Variants in DDX31 observed in about 807,000 individuals in gnomAD.
DDX31 encodes ATP-dependent DNA helicase DDX31.
A neutral mutation model predicts 91.3 loss-of-function variants in DDX31; 70 were observed. The observed-to-expected ratio is 0.77, with a 90% CI of 0.63 to 0.94. The LOEUF is 0.94. Among genes scored for constraint, DDX31 ranks in the 40% least tolerant of loss-of-function variants. The pLI is 0.00. For synonymous variants in DDX31, 362 were observed against 350.6 expected, an observed-to-expected ratio of 1.03 and a Z score of -0.36; for missense variants, 902 against 925.0, an observed-to-expected ratio of 0.98 and a Z score of 0.32.
intron 12 of DDX31, among the ~76,000 whole-genome samples, chr9:132,646,530 C>T (rs306538): frequency 0.77 from 117,281 of 152,064 alleles, 45,515 homozygotes; most frequent in African/African-American, 0.85. Flanking sequence ...CAAGCCCCTA[C>T]GTCTGCCTCA....
intron 19 of DDX31, among the ~76,000 whole-genome samples, chr9:132,611,443 G>T (rs1471268783): frequency 2.6e-5 from 4 of 152,170 alleles, no homozygotes; most frequent in African/African-American, 9.7e-5. Flanking sequence ...TACAAATGTA[G>T]CATGCTGAGG....
intron 13 of DDX31, 50 bp from the exon 14 acceptor site, chr9:132,642,113 G>A (rs775304370): frequency 8.4e-6 from 13 of 1,547,644 alleles, no homozygotes; most frequent in Admixed American, 8.4e-5. Flanking sequence ...ACAAACTCCA[G>A]CAAGGTAGGC....
At chr9:132,604,249 C>G (rs1006672163) in intron 19 of DDX31, among the ~76,000 whole-genome samples, 1 of 152,144 alleles carries the variant, frequency 6.6e-6, no homozygotes, top group African/African-American at 2.4e-5. Context: ...AGACTACAGG[C>G]CAGTGTTCCC....
chr9:132,647,175 T>C (rs987112602), intron 11 of DDX31, 117 bp from the exon 12 acceptor site: 1 of 895,084 alleles, frequency 1.1e-6, no homozygotes, highest in Non-Finnish European at 1.7e-6. Flanking sequence ...TGTTACCCCA[T>C]GGGTATCACC....
At chr9:132,618,283 A>C (rs1169493008) in intron 18 of DDX31, 47 bp downstream of exon 18, 2 of 1,511,568 alleles carry the variant, frequency 1.3e-6, no homozygotes, top group Non-Finnish European at 1.8e-6. Flanking sequence ...GGGGGAGAGC[A>C]CTCTGCTGGG....
chr9:132,619,596 C>A (rs774052038), intron 17 of DDX31, among the ~76,000 whole-genome samples: 1 of 152,138 alleles, frequency 6.6e-6, no homozygotes, highest in Non-Finnish European at 1.5e-5. Flanking sequence ...GACTTAACAA[C>A]GTGAAAATGT....
intron 18 of DDX31, among the ~76,000 whole-genome samples, chr9:132,618,019 G>A (rs763843504): frequency 1.3e-5 from 2 of 152,134 alleles, no homozygotes; most frequent in Admixed American, 6.5e-5. Context: ...CTTCTATCTG[G>A]TTTTCAAAGA....
chr9:132,643,729 G>C (rs985454680), intron 13 of DDX31, among the ~76,000 whole-genome samples: 1 of 152,164 alleles, frequency 6.6e-6, no homozygotes, highest in African/African-American at 2.4e-5. Flanking sequence ...CGAACCCAGG[G>C]AGCTGTGTTC....
At chr9:132,625,489 A>T (rs1425238769) in intron 17 of DDX31, among the ~76,000 whole-genome samples, 175 bp downstream of exon 17, 1 of 151,828 alleles carries the variant, frequency 6.6e-6, no homozygotes, top group Admixed American at 6.6e-5. Context: ...CGCATCCAGA[A>T]GCAAAGACGA....
At chr9:132,665,645 G>C (rs1327598826) in intron 1 of DDX31, among the ~76,000 whole-genome samples, 1 of 152,192 alleles carries the variant, frequency 6.6e-6, no homozygotes, top group Non-Finnish European at 1.5e-5. Context: ...AAATTCGTTT[G>C]AGTCTCTGTT....
intron 18 of DDX31, among the ~76,000 whole-genome samples, chr9:132,616,897 G>T (rs768705659): frequency 8.5e-5 from 13 of 152,204 alleles, no homozygotes; most frequent in Non-Finnish European, 1.5e-4. Context: ...CTAAAGGTAT[G>T]TAACAGGTCC....
At chr9:132,612,309 C>A in intron 18 of DDX31, 54 bp from the exon 19 acceptor site, 1 of 1,606,474 alleles carries the variant, frequency 6.2e-7, no homozygotes, top group East Asian at 2.2e-5. Flanking sequence ...TCTCCAAGCT[C>A]CAAAGTGCCC....
intron 14 of DDX31, among the ~76,000 whole-genome samples, chr9:132,633,351 C>T (rs11243852): frequency 0.19 from 29,161 of 152,084 alleles, 3,591 homozygotes; most frequent in East Asian, 0.42. Context: ...AGCAGTATCA[C>T]TTCTAAAAGT....
chr9:132,641,442 A>G (rs1224575058), intron 14 of DDX31, among the ~76,000 whole-genome samples: 1 of 152,256 alleles, frequency 6.6e-6, no homozygotes, highest in Admixed American at 6.5e-5. Context: ...GGTAGAGAAC[A>G]CTGAAGGTTT....
intron 19 of DDX31, among the ~76,000 whole-genome samples, chr9:132,610,710 T>G (rs887696035): frequency 5.3e-5 from 8 of 152,128 alleles, no homozygotes; most frequent in Non-Finnish European, 1.0e-4. Flanking sequence ...TCAAGCAATC[T>G]GCCTGCCTGG....
intron 18 of DDX31, among the ~76,000 whole-genome samples, chr9:132,615,573 T>C (rs894476253): frequency 4.6e-5 from 7 of 151,758 alleles, no homozygotes; most frequent in African/African-American, 1.7e-4. Flanking sequence ...TTTTCTAGAC[T>C]TTGAGAAGCA....
chr9:132,606,825 G>A (rs2119248518), intron 19 of DDX31, among the ~76,000 whole-genome samples: 1 of 152,280 alleles, frequency 6.6e-6, no homozygotes, highest in Non-Finnish European at 1.5e-5. Flanking sequence ...AAGGGAGAGG[G>A]CTAACGGGGG....
chr9:132,612,259 A>T lies in DDX31; in HGVS notation c.1826-4T>A. ...GCTTGGATGAAGGACTGCAGAGCTG[A>T]AAGAAAAGAGAGCGGGGAGGGAAGC... On this transcript the variant is annotated splice_region_variant and splice_polypyrimidine_tract_variant and intron_variant, in intron 18 of 19. Coordinates refer to ENST00000372159, the MANE Select transcript of DDX31 (RefSeq NM_022779.9). 11 of 1,614,188 alleles carry T rather than the reference A, an allele frequency of 6.8e-6. No individual in the cohort carries two copies. In the Middle Eastern group the frequency reaches 5.0e-4, roughly 73 times the overall value.
chr9:132,619,077 A>G (rs553793447), intron 17 of DDX31, among the ~76,000 whole-genome samples: 3 of 152,328 alleles, frequency 2.0e-5, no homozygotes, highest in Admixed American at 2.0e-4. Flanking sequence ...GGATCTTTGC[A>G]GCAAATCGTC....
Sources: allele counts gnomAD v4.1 joint callset (sites outside exome capture counted in the v4.1 genomes callset), GRCh38; gene constraint gnomAD v4.1.1; transcripts MANE v1.5; gene names NCBI Gene and HGNC (gene_info 2026-07-23, HGNC 2026-07-21).